The following KDM2B variants were observed in gnomAD, a reference collection of about 807,000 sequenced individuals.
KDM2B encodes lysine-specific demethylase 2B.
A neutral mutation model predicts 150.0 loss-of-function variants in KDM2B; 26 were observed. The ratio of observed to expected loss-of-function variants is 0.17; its 90% CI spans 0.13 to 0.24. KDM2B has a LOEUF of 0.24. Ranked by LOEUF, KDM2B falls within the 10% of genes least tolerant of loss-of-function variation. The probability of loss-of-function intolerance (pLI) is 1.00; values close to 1 mark genes in which losing one functional copy is unlikely to be tolerated. For missense variants in KDM2B, 1,265 were observed against 1,816.9 expected (o/e 0.70, Z 5.52); for synonymous variants, 734 against 729.5 (o/e 1.01, Z -0.10).
intron 11 of KDM2B, among the ~76,000 whole-genome samples, chr12:121,494,892 A>G (rs1185074036): frequency 6.6e-6 from 1 of 152,110 alleles, no homozygotes; most frequent in Non-Finnish European, 1.5e-5. Flanking sequence ...TCTTTAACAA[A>G]GCAAATCACA....
At chr12:121,543,996 C>T (rs934700352) in intron 6 of KDM2B, among the ~76,000 whole-genome samples, 2 of 151,470 alleles carry the variant, frequency 1.3e-5, no homozygotes, top group Admixed American at 1.3e-4. Context: ...TGCCTATGGT[C>T]CCAGCTGCTC....
In KDM2B at chr12:121,520,289, ACT is replaced by A. The variant is rs1886572722; in HGVS notation, c.1047+694_1047+695del. Reference sequence around the variant, plus strand: ...AGAAAGGCCATGGCAAGTTCAGGCCACTTGTCCTTTTCAGGGGACACTTGTGG... The same window carrying A: ...AGAAAGGCCATGGCAAGTTCAGGCCATGTCCTTTTCAGGGGACACTTGTGG... On this transcript the variant is annotated intron_variant, in intron 9 of 22. Transcript: ENST00000377071. The surrounding 1 kb of genome is among the most constrained non-coding windows in gnomAD (Gnocchi z 4.5). Among the ~76,000 whole-genome samples the A allele has an allele frequency of 1.3e-5, 2 of 152,286 alleles. No individual in the cohort carries two copies. The highest frequency in any genetic ancestry group is 4.1e-4 in the South Asian group (2 of 4,822).
chr12:121,521,186 C>T lies in KDM2B; in HGVS notation c.932-86G>A. The T allele has an allele frequency of 9.8e-6, 9 of 913,956 alleles. No homozygotes were observed. Among genetic ancestry groups the T allele is most frequent in the South Asian group, 9.7e-5 (7 of 71,832 alleles). The allele number at this position is 913,956 out of a possible 1,614,324, so 56.6% of individuals were successfully genotyped here. A position where few individuals can be genotyped will look rare whatever the true frequency, so the allele number is the denominator to read the frequency against. On this transcript the variant is annotated intron_variant, in intron 8 of 22. Transcript: ENST00000377071. The surrounding 1 kb of genome is among the most constrained non-coding windows in gnomAD (Gnocchi z 4.9). ...CAAGGCTGCAGGGAGGGAGAGCGAG[C>T]GTGCAGGAGGGTGCAGGGAGTGGAG...
At chr12:121,445,108 C>T in intron 14 of KDM2B, 167 bp downstream of exon 14, 1 of 709,824 alleles carries the variant, frequency 1.4e-6, no homozygotes, top group Non-Finnish European at 2.3e-6. Context: ...TGAGGTACTC[C>T]AGGCCCTCCT....
intron 12 of KDM2B, among the ~76,000 whole-genome samples, chr12:121,490,743 G>C (rs1555299771): frequency 6.6e-6 from 1 of 152,220 alleles, no homozygotes; most frequent in South Asian, 2.1e-4. Context: ...GATGGTGATA[G>C]ATGGTGGCTC....
chr12:121,480,583 C>CAA (rs35490517), intron 12 of KDM2B, among the ~76,000 whole-genome samples: 4,599 of 63,214 alleles, frequency 0.073, 154 homozygotes, highest in South Asian at 0.15. Context: ...CTGTCGCTAC[C>CAA]AAAAAAAAAA....
intron 12 of KDM2B, among the ~76,000 whole-genome samples, chr12:121,470,874 G>C (rs1880700479): frequency 6.6e-6 from 1 of 152,262 alleles, no homozygotes; most frequent in African/African-American, 2.4e-5. Context: ...GTTGCTGTCT[G>C]ATCTGGCAAG....
At chr12:121,496,376 G>A (rs181788190) in intron 11 of KDM2B, among the ~76,000 whole-genome samples, 48 of 152,194 alleles carry the variant, frequency 3.2e-4, no homozygotes, top group Admixed American at 3.0e-3. Context: ...GCACTGAGCA[G>A]GAAGAGCAGA....
chr12:121,536,673 T>C (rs1555308777), intron 6 of KDM2B, among the ~76,000 whole-genome samples: 1 of 151,666 alleles, frequency 6.6e-6, no homozygotes, highest in Non-Finnish European at 1.5e-5. Flanking sequence ...TTTTTTTTTT[T>C]TTCTTTTTTT....
In KDM2B at chr12:121,444,129, C is replaced by G. The variant is rs200295291; in HGVS notation, c.2334G>C (p.Ser778=). ...SECEEAPRRR[S]DEHSKKVPPD... ...GCGGCACCTTCTTCGAGTGCTCATC[C>G]GACCTGCGCCGGGGCGCCTCCTCAC... The change falls in exon 16 of 23, where the codon TCG becomes TCC. Residue 778 remains serine (S), a synonymous_variant. Transcript: ENST00000377071. The G allele has an allele frequency of 1.2e-3, 1,964 of 1,612,984 alleles. 3 individuals are homozygous for G. Among genetic ancestry groups the G allele is most frequent in the Non-Finnish European group, 1.5e-3 (1,824 of 1,180,040 alleles).
Position 121,429,874 on chromosome 12 carries a change from G to A in KDM2B, c.*414C>T, listed in dbSNP as rs1159491215. ...ACCAAACAAAAAAAAGTGTCAAGAC[G>A]GCAGCAGATGTGGTGTGTGGTCCAC... On this transcript the variant is annotated 3_prime_UTR_variant, in exon 23 of 23. Coordinates refer to ENST00000377071, the MANE Select transcript of KDM2B (RefSeq NM_032590.5). 1.4e-5 allele frequency: 8 copies of A among 570,416 alleles called. No homozygotes were observed. Among genetic ancestry groups the A allele is most frequent in the African/African-American group, 7.5e-5 (4 of 53,580 alleles). The allele number at this position is 570,416 out of a possible 1,614,324, so 35.3% of individuals were successfully genotyped here.
chr12:121,434,947 AC>A (rs1873725940), intron 22 of KDM2B, among the ~76,000 whole-genome samples: 1 of 151,618 alleles, frequency 6.6e-6, no homozygotes, highest in Non-Finnish European at 1.5e-5. Flanking sequence ...ACAGAGCAAG[AC>A]TTTGTGTTGA....
chr12:121,501,032 C>T (rs893737107), intron 11 of KDM2B, among the ~76,000 whole-genome samples: 68 of 151,706 alleles, frequency 4.5e-4, no homozygotes, highest in African/African-American at 1.5e-3. Flanking sequence ...ACCCAGGAGG[C>T]GGGGGTTGTG....
In KDM2B at chr12:121,575,268, C is replaced by G. The variant is rs573010978; in HGVS notation, c.350+513G>C. 2.6e-5 allele frequency among the ~76,000 whole-genome samples: 4 copies of G among 152,340 alleles called. No homozygotes were observed. The South Asian group carries it at 8.3e-4, about 32-fold the overall frequency. ...CCAGCCTGCCTCCCAGACCTCTCCC[C>G]CAACCTGGAGCTCTGACAGATCTCA... On this transcript the variant is annotated intron_variant, in intron 3 of 22. Coordinates refer to ENST00000377071, the MANE Select transcript of KDM2B (RefSeq NM_032590.5). The surrounding 1 kb of genome is among the most constrained non-coding windows in gnomAD (Gnocchi z 4.4).
In KDM2B at chr12:121,533,583, C is replaced by T. The variant is rs1887837591; in HGVS notation, c.778-624G>A. ...CCCCAGTGCAAAATGTTCCTAGAGG[C>T]AGGTGGTGCTGGCAACTAGACTTTA... On this transcript the variant is annotated intron_variant, in intron 7 of 22. Transcript: ENST00000377071. The surrounding 1 kb of genome is among the most constrained non-coding windows in gnomAD (Gnocchi z 4.1). Among the ~76,000 whole-genome samples, 1 of 152,168 alleles carries T rather than the reference C, an allele frequency of 6.6e-6. No homozygotes were observed. The highest frequency in any genetic ancestry group is 2.1e-4 in the South Asian group (1 of 4,826).
chr12:121,482,737 A>G (rs1054072567), intron 12 of KDM2B, among the ~76,000 whole-genome samples: 3 of 152,222 alleles, frequency 2.0e-5, no homozygotes, highest in Non-Finnish European at 1.5e-5. Flanking sequence ...AAGACATGAA[A>G]CTAATTGAAT....
chr12:121,489,624 G>C (rs1372425097), intron 12 of KDM2B, among the ~76,000 whole-genome samples: 3 of 152,100 alleles, frequency 2.0e-5, no homozygotes, highest in Non-Finnish European at 4.4e-5. Context: ...ATTTTTAGTA[G>C]AGATGGGGTT....
At position 121,533,700 on chromosome 12, in the gene KDM2B, C is replaced by T. The variant is rs141269777; in HGVS notation, c.778-741G>A. Among the ~76,000 whole-genome samples the T allele has an allele frequency of 1.2e-3, 182 of 152,318 alleles. No homozygotes were observed. Among genetic ancestry groups the T allele is most frequent in the Middle Eastern group, 3.4e-3 (1 of 294 alleles). On this transcript the variant is annotated intron_variant, in intron 7 of 22. Transcript: ENST00000377071. This position sits in a 1 kb window ranked among gnomAD's most constrained non-coding sequence, Gnocchi z 4.1. ...AGCCAAACCCAAGCTTCAAATCTGGCCCAAGGAGCTTTGAACACCAGACTG... is the reference window on the plus strand; with the variant it reads ...AGCCAAACCCAAGCTTCAAATCTGGTCCAAGGAGCTTTGAACACCAGACTG...
chr12:121,553,592 G>C (rs1415139676), intron 4 of KDM2B, among the ~76,000 whole-genome samples: 3 of 152,160 alleles, frequency 2.0e-5, no homozygotes, highest in Non-Finnish European at 4.4e-5. Flanking sequence ...CCCAGGAGCT[G>C]TCCTGAGACA....
Sources: gnomAD v4.1 joint callset for allele counts (sites outside exome capture counted in the v4.1 genomes callset) on GRCh38, gnomAD v4.1.1 for gene constraint, Gnocchi (gnomAD v3.1) non-coding constraint, MANE v1.5 for transcripts, NCBI Gene and HGNC (gene_info 2026-07-23, HGNC 2026-07-21) for gene names.